Variants in RPL22 observed in about 807,000 individuals in gnomAD.
The protein encoded by RPL22 is large ribosomal subunit protein eL22.
In RPL22, 4 loss-of-function variants were observed where a neutral mutation model predicts 16.2. The observed-to-expected ratio is 0.25, with a 90% CI of 0.12 to 0.57. The LOEUF (loss-of-function observed/expected upper bound fraction) is 0.57, where lower values mean the gene tolerates loss of function less well. RPL22 is among the 20% of genes least tolerant of loss of function. RPL22 has a pLI of 0.92. For synonymous variants in RPL22, 43 were observed against 54.8 expected, an observed-to-expected ratio of 0.78 and a Z score of 0.95; for missense variants, 83 against 156.1, an observed-to-expected ratio of 0.53 and a Z score of 2.49.
chr1:6,197,953 A>C (rs1667742009), intron 1 of RPL22, 197 bp from the exon 2 acceptor site: 2 of 600,842 alleles, frequency 3.3e-6, no homozygotes, highest in Admixed American at 2.9e-5. Context: ...CTGCTGTACA[A>C]GCTTGGGGCC....
intron 1 of RPL22, chr1:6,198,907 G>A (rs1184387142): frequency 6.6e-6 from 1 of 152,254 alleles, no homozygotes; most frequent in Non-Finnish European, 1.5e-5. Context: ...GGAAAAGTAG[G>A]ATCTTGGGAC....
chr1:6,189,627 A>C (rs1172253916), intron 3 of RPL22, among the ~76,000 whole-genome samples: 1 of 151,618 alleles, frequency 6.6e-6, no homozygotes, highest in Non-Finnish European at 1.5e-5. Context: ...AAAAAAAAAA[A>C]ACCCTGTACA....
At chr1:6,192,500 G>C (rs1238613920) in intron 3 of RPL22, among the ~76,000 whole-genome samples, 1 of 152,018 alleles carries the variant, frequency 6.6e-6, no homozygotes, top group African/African-American at 2.4e-5. Context: ...GAATTTGAGA[G>C]CAGCCTGGCC....
Position 6,186,744 on chromosome 1 carries a change from G to A in RPL22, c.315C>T (p.Asn105=), listed in dbSNP as rs756539363. 2 of 1,601,542 alleles carry A rather than the reference G, an allele frequency of 1.2e-6. No individual in the cohort carries two copies. Among genetic ancestry groups the A allele is most frequent in the Middle Eastern group, 1.7e-4 (1 of 5,730 alleles). The change falls in exon 4 of 4, where the codon AAC becomes AAT. Residue 105 remains asparagine (N), a synonymous_variant. Coordinates refer to ENST00000234875, the MANE Select transcript of RPL22 (RefSeq NM_000983.4). ...NLRDWLRVVA[N]SKESYELRYF... is the part of the protein sequence containing the mutation. ...AACGTAATTCGTAACTCTCTTTGCT[G>A]TTAGCAACTACGCGCAACCAGTCAC...
intron 2 of RPL22, among the ~76,000 whole-genome samples, chr1:6,194,607 C>T (rs973025248): frequency 1.4e-4 from 21 of 152,332 alleles, no homozygotes; most frequent in African/African-American, 4.8e-4. Context: ...TGTTAACTGG[C>T]TGGGTGCAGT....
At chr1:6,188,654 T>G (rs531820026) in intron 3 of RPL22, among the ~76,000 whole-genome samples, 1 of 152,130 alleles carries the variant, frequency 6.6e-6, no homozygotes, top group African/African-American at 2.4e-5. Context: ...AAGAGGGAAT[T>G]TCACAACACA....
chr1:6,188,223 G>C (rs531787249), intron 3 of RPL22, among the ~76,000 whole-genome samples: 5 of 152,268 alleles, frequency 3.3e-5, no homozygotes, highest in Non-Finnish European at 5.9e-5. Context: ...GTAGAGATGG[G>C]GGTTTTGCCA....
chr1:6,190,411 G>A (rs1428418578), intron 3 of RPL22, among the ~76,000 whole-genome samples: 7 of 152,090 alleles, frequency 4.6e-5, no homozygotes, highest in South Asian at 2.1e-4. Flanking sequence ...ACAGAGTTTC[G>A]CTCTTGTTGC....
At chr1:6,191,463 C>A (rs1366029635) in intron 3 of RPL22, among the ~76,000 whole-genome samples, 3 of 144,060 alleles carry the variant, frequency 2.1e-5, no homozygotes, top group East Asian at 4.1e-4. Context: ...GTCAGGAGAT[C>A]GAGACCATCC....
intron 1 of RPL22, 189 bp downstream of exon 1, chr1:6,199,373 G>A (rs1667764984): frequency 2.3e-6 from 3 of 1,316,250 alleles, no homozygotes; most frequent in Admixed American, 6.8e-5. Context: ...CACGAGCCTC[G>A]GGCCGCGGCC....
intron 3 of RPL22, among the ~76,000 whole-genome samples, chr1:6,187,611 C>A (rs2100900934): frequency 2.8e-5 from 3 of 108,148 alleles, no homozygotes; most frequent in African/African-American, 1.2e-4. Context: ...AAGACTCCAT[C>A]TCAAAAAAAA....
intron 3 of RPL22, among the ~76,000 whole-genome samples, chr1:6,190,612 C>T (rs1477847454): frequency 6.6e-6 from 1 of 152,184 alleles, no homozygotes; most frequent in East Asian, 1.9e-4. Context: ...CTCCTGACCT[C>T]AGGTGATCCT....
In RPL22 at chr1:6,195,172, G is replaced by A. The variant is rs150725445; in HGVS notation, c.118-2118C>T. Among the ~76,000 whole-genome samples, 304 of 151,456 alleles carry A rather than the reference G, an allele frequency of 2.0e-3. 7 individuals are homozygous for A. In the East Asian group the frequency reaches 0.056, roughly 28 times the overall value. ...AATAAATAAAAATTTGGGGCCAGGC[G>A]CGGTGGCTCACGCCTGTAATCCCAA... On this transcript the variant is annotated intron_variant, in intron 2 of 3. Transcript: ENST00000234875.
intron 2 of RPL22, 88 bp downstream of exon 2, chr1:6,197,564 T>C (rs1272274299): frequency 1.5e-5 from 13 of 842,950 alleles, no homozygotes; most frequent in Admixed American, 1.4e-4. Context: ...CCTATAAGCC[T>C]GAAAACAGAA....
intron 2 of RPL22, among the ~76,000 whole-genome samples, chr1:6,194,316 C>A (rs1274827665): frequency 6.6e-6 from 1 of 152,176 alleles, no homozygotes; most frequent in African/African-American, 2.4e-5. Flanking sequence ...AGAAAATAAG[C>A]CTTCAACCTA....
In RPL22 at chr1:6,185,956, G is replaced by A; in HGVS notation, c.*716C>T. ...GGCCCCACACGGGAGACCACATCTG[G>A]AAGCACTATTCCTACAGCTCCCTCT... On this transcript the variant is annotated 3_prime_UTR_variant, in exon 4 of 4. Coordinates refer to ENST00000234875, the MANE Select transcript of RPL22 (RefSeq NM_000983.4). 1 of 230,724 alleles carries A rather than the reference G, an allele frequency of 4.3e-6. No homozygotes were observed. Among genetic ancestry groups the A allele is most frequent in the Non-Finnish European group, 8.6e-6 (1 of 116,456 alleles). The allele number at this position is 230,724 out of a possible 1,614,324, so 14.3% of individuals were successfully genotyped here. A position where few individuals can be genotyped will look rare whatever the true frequency, so the allele number is the denominator to read the frequency against.
chr1:6,199,172 C>G (rs1426163057), intron 1 of RPL22: 1 of 226,454 alleles, frequency 4.4e-6, no homozygotes, highest in Non-Finnish European at 8.6e-6. Flanking sequence ...GAGTCTTGGC[C>G]GTGGACTTCC....
At chr1:6,195,299 G>C (rs1051315499) in intron 2 of RPL22, among the ~76,000 whole-genome samples, 1 of 150,676 alleles carries the variant, frequency 6.6e-6, no homozygotes, top group Non-Finnish European at 1.5e-5. Context: ...CAAAAAATTA[G>C]CCGGGCATAG....
chr1:6,196,976 A>T (rs139576941), intron 2 of RPL22, among the ~76,000 whole-genome samples: 1,813 of 152,286 alleles, frequency 0.012, 22 homozygotes, highest in Middle Eastern at 0.02. Flanking sequence ...TAAACACACC[A>T]AACAGCAAGG....
Sources: allele counts gnomAD v4.1 joint callset (sites outside exome capture counted in the v4.1 genomes callset), GRCh38; gene constraint gnomAD v4.1.1; transcripts MANE v1.5; gene names NCBI Gene and HGNC (gene_info 2026-07-23, HGNC 2026-07-21).